DLGAP2: variants seen among roughly 807,000 people sequenced by gnomAD.
DLGAP2 encodes the protein DLG associated protein 2.
Under a neutral mutation model 100.3 loss-of-function variants are expected in DLGAP2, and 26 were observed. The observed-to-expected ratio is 0.26, with a 90% CI of 0.19 to 0.36. The LOEUF is 0.36. Among genes scored for constraint, DLGAP2 ranks in the 10% least tolerant of loss-of-function variants. DLGAP2 has a pLI of 1.00. For missense variants in DLGAP2, 1,858 were observed against 1,453.2 expected (o/e 1.28, Z -4.53); for synonymous variants, 886 against 630.1 (o/e 1.41, Z -6.08).
intron 3 of DLGAP2, among the ~76,000 whole-genome samples, chr8:1,270,465 A>G (rs1799557378): frequency 6.6e-6 from 1 of 152,070 alleles, no homozygotes; most frequent in Admixed American, 6.5e-5. Flanking sequence ...CTCTGTTTCC[A>G]CTCTTGCCTT....
intron 2 of DLGAP2, among the ~76,000 whole-genome samples, chr8:1,252,488 A>G (rs764890506): frequency 1.6e-4 from 24 of 151,412 alleles, no homozygotes; most frequent in Admixed American, 3.3e-4. Context: ...CCTGGGTCAC[A>G]GTGTCACAGT....
chr8:1,343,875 C>G (rs1296133758), intron 3 of DLGAP2, among the ~76,000 whole-genome samples: 1 of 152,158 alleles, frequency 6.6e-6, no homozygotes, highest in Non-Finnish European at 1.5e-5. Context: ...AGGGGGAGCT[C>G]AGCCCTCTCA....
At chr8:1,572,694 ACT>A (rs1802779603) in intron 6 of DLGAP2, among the ~76,000 whole-genome samples, 2 of 106,912 alleles carry the variant, frequency 1.9e-5, no homozygotes, top group Admixed American at 9.6e-5. Flanking sequence ...GAGAGGGTGG[ACT>A]GTGGGGGTGT....
chr8:1,577,903 T>A (rs1369724683), intron 6 of DLGAP2, among the ~76,000 whole-genome samples: 5 of 152,224 alleles, frequency 3.3e-5, no homozygotes, highest in African/African-American at 1.2e-4. Context: ...GAGGTGCCAC[T>A]GGCACCAGCG....
At chr8:988,135 A>T (rs140902622) in intron 2 of DLGAP2, among the ~76,000 whole-genome samples, 38 of 152,242 alleles carry the variant, frequency 2.5e-4, no homozygotes, top group African/African-American at 8.9e-4. Context: ...TCACGTTCTT[A>T]TAGGTTGGTA....
intron 3 of DLGAP2, among the ~76,000 whole-genome samples, chr8:1,490,057 A>G (rs1056257952): frequency 1.1e-4 from 16 of 151,044 alleles, no homozygotes; most frequent in African/African-American, 3.6e-4. Context: ...GCACCCGGCT[A>G]TTTTTTTTGC....
chr8:1,320,503 G>A lies in DLGAP2; in HGVS notation c.106+61620G>A, dbSNP rs556918896. Among the ~76,000 whole-genome samples the A allele has an allele frequency of 9.2e-5, 14 of 152,246 alleles. No homozygotes were observed. In the South Asian group the frequency reaches 2.5e-3, roughly 27 times the overall value. On this transcript the variant is annotated intron_variant, in intron 3 of 14. Transcript: ENST00000637795. ...TCAGGAGCCGGGCAGACGGGTGAAC[G>A]GGCAACATACGGGCACAGAGCCGTG... is the stretch of plus-strand genomic sequence containing the variant.
chr8:874,182 T>C (rs1488163587), intron 1 of DLGAP2, among the ~76,000 whole-genome samples: 1 of 152,070 alleles, frequency 6.6e-6, no homozygotes, highest in Non-Finnish European at 1.5e-5. Context: ...TTACTTTCTC[T>C]TTTTTTCTGT....
chr8:830,490 C>T (rs1233477882), intron 1 of DLGAP2, among the ~76,000 whole-genome samples: 1 of 152,218 alleles, frequency 6.6e-6, no homozygotes, highest in Admixed American at 6.5e-5. Context: ...ATTCTACTCT[C>T]TATCTCCGTG....
chr8:983,881 C>T (rs915564361), intron 2 of DLGAP2, among the ~76,000 whole-genome samples: 2 of 152,130 alleles, frequency 1.3e-5, no homozygotes, highest in Non-Finnish European at 2.9e-5. Flanking sequence ...CTCAAGTGAT[C>T]CTCTTGCCTT....
intron 2 of DLGAP2, among the ~76,000 whole-genome samples, chr8:1,203,423 T>TGGCGTGTCCTTCGGTGAC (rs1483371578): frequency 6.6e-6 from 1 of 152,154 alleles, no homozygotes; most frequent in Non-Finnish European, 1.5e-5. Flanking sequence ...CCCATGAGAC[T>TGGCGTGTCCTTCGGTGAC]GATGACCCTG....
At chr8:1,613,554 A>C (rs1797051581) in intron 6 of DLGAP2, among the ~76,000 whole-genome samples, 1 of 151,262 alleles carries the variant, frequency 6.6e-6, no homozygotes, top group Non-Finnish European at 1.5e-5. Context: ...AAAAAAAAAA[A>C]AGAAAAGAAA....
intron 2 of DLGAP2, chr8:910,552 C>T (rs568295986): frequency 6.6e-6 from 1 of 152,296 alleles, no homozygotes; most frequent in East Asian, 1.9e-4. Flanking sequence ...ACTTTTAAGC[C>T]TTTAAATAAA....
intron 3 of DLGAP2, among the ~76,000 whole-genome samples, chr8:1,324,593 A>C (rs1800978613): frequency 6.6e-6 from 1 of 152,150 alleles, no homozygotes; most frequent in African/African-American, 2.4e-5. Context: ...GGGTTTTCTT[A>C]AGCTGCGTGG....
chr8:1,266,592 G>C (rs60373426), intron 3 of DLGAP2, among the ~76,000 whole-genome samples: 3 of 152,252 alleles, frequency 2.0e-5, no homozygotes, highest in Non-Finnish European at 4.4e-5. Context: ...CTACTGGTCT[G>C]TCCAATGCTG....
intron 1 of DLGAP2, among the ~76,000 whole-genome samples, chr8:842,559 A>G (rs1449873725): frequency 6.6e-6 from 1 of 152,156 alleles, no homozygotes; most frequent in Non-Finnish European, 1.5e-5. Flanking sequence ...TCTCTGGTAC[A>G]TGGTCGTTCT....
chr8:1,230,113 C>G (rs1798504659), intron 2 of DLGAP2, among the ~76,000 whole-genome samples: 1 of 152,210 alleles, frequency 6.6e-6, no homozygotes, highest in Non-Finnish European at 1.5e-5. Context: ...CTGCAAAACC[C>G]CAAAGACTCT....
chr8:1,668,801 G>A (rs1563052539), intron 9 of DLGAP2, 123 bp downstream of exon 9: 1 of 945,356 alleles, frequency 1.1e-6, no homozygotes, highest in Non-Finnish European at 1.5e-6. Flanking sequence ...CAGCAGGGCT[G>A]TGGAATCTGA....
intron 6 of DLGAP2, among the ~76,000 whole-genome samples, chr8:1,593,712 C>G (rs1796359923): frequency 2.6e-5 from 4 of 152,144 alleles, no homozygotes. Flanking sequence ...AGTCTGGCCT[C>G]TGACCTGCAA....
Sources: gnomAD v4.1 joint callset for allele counts (sites outside exome capture counted in the v4.1 genomes callset) on GRCh38, gnomAD v4.1.1 for gene constraint, MANE v1.5 for transcripts, NCBI Gene and HGNC (gene_info 2026-07-23, HGNC 2026-07-21) for gene names.